The following DYNC2H1 variants were observed in gnomAD, a reference collection of about 807,000 sequenced individuals.
DYNC2H1 encodes cytoplasmic dynein 2 heavy chain 1.
Under a neutral mutation model 570.0 loss-of-function variants are expected in DYNC2H1, and 410 were observed. The ratio of observed to expected loss-of-function variants is 0.72; its 90% CI spans 0.66 to 0.78. DYNC2H1 has a LOEUF of 0.78. Ranked by LOEUF, DYNC2H1 falls within the 30% of genes least tolerant of loss-of-function variation. The pLI, the probability that DYNC2H1 is intolerant of heterozygous loss-of-function variation, is 0.00. For synonymous variants in DYNC2H1, 1,688 were observed against 1,677.6 expected (o/e 1.01, Z -0.15); for missense variants, 4,865 against 5,046.4 (o/e 0.96, Z 1.09).
chr11:103,282,581 CT>C (rs57728832), intron 72 of DYNC2H1, among the ~76,000 whole-genome samples: 28,539 of 151,650 alleles, frequency 0.19, 3,589 homozygotes, highest in African/African-American at 0.36. Flanking sequence ...CATTTTAGAA[CT>C]TTTTAATAAC....
chr11:103,223,794 C>G (rs1863693341), intron 59 of DYNC2H1, among the ~76,000 whole-genome samples: 1 of 149,450 alleles, frequency 6.7e-6, no homozygotes, highest in South Asian at 2.1e-4. Context: ...TGTCGCCAGG[C>G]TGGAGTGCAG....
rs1479954794 is a variant in DYNC2H1 at position 103,181,574 on chromosome 11, TAC to T, written c.6348-173_6348-172del. 1.3e-5 allele frequency among the ~76,000 whole-genome samples: 2 copies of T among 151,614 alleles called. No homozygotes were observed. The highest frequency in any genetic ancestry group is 2.1e-4 in the South Asian group (1 of 4,826). On this transcript the variant is annotated intron_variant, in intron 39 of 88. Transcript: ENST00000375735. This position sits in a 1 kb window ranked among gnomAD's most constrained non-coding sequence, Gnocchi z 5.0. Reference sequence around the variant, plus strand: ...TGTTTGTATATATTATGTGTATGTATACACACACACAGATGTAATTGTATTAT... The same window carrying T: ...TGTTTGTATATATTATGTGTATGTATACACACACAGATGTAATTGTATTAT...
At chr11:103,134,300 G>T (rs765200071) in intron 14 of DYNC2H1, 21 bp from the exon 15 acceptor site, 6 of 1,607,720 alleles carry the variant, frequency 3.7e-6, no homozygotes, top group Middle Eastern at 1.7e-4. Context: ...TTTGAGACTA[G>T]CATGCTCTAA....
rs1254026973 is a variant in DYNC2H1, at chr11:103,264,681, G to T, written c.10695+4704G>T. On this transcript the variant is annotated intron_variant, in intron 70 of 88. Coordinates refer to ENST00000375735, the MANE Select transcript of DYNC2H1 (RefSeq NM_001377.3). This position sits in a 1 kb window ranked among gnomAD's most constrained non-coding sequence, Gnocchi z 4.8. ...AAACTTCATAAACTAGGTATTGATG[G>T]AACGTATCTCAAAATAATAAGAGCT... 1.3e-5 allele frequency among the ~76,000 whole-genome samples: 2 copies of T among 152,130 alleles called. No individual in the cohort carries two copies. The highest frequency in any genetic ancestry group is 2.9e-5 in the Non-Finnish European group (2 of 68,034).
Position 103,245,572 on chromosome 11 carries a change from C to G in DYNC2H1, c.10042+198C>G, listed in dbSNP as rs1423342863. ...AGGAAAGCTCAGTAGAGACCTAGTA[C>G]CCATAGTTTACTGGGGGTTGATTAC... On this transcript the variant is annotated intron_variant, in intron 65 of 88. Coordinates refer to ENST00000375735, the MANE Select transcript of DYNC2H1 (RefSeq NM_001377.3). This position sits in a 1 kb window ranked among gnomAD's most constrained non-coding sequence, Gnocchi z 4.5. Among the ~76,000 whole-genome samples, 1 of 152,044 alleles carries G rather than the reference C, an allele frequency of 6.6e-6. No individual in the cohort carries two copies. Among genetic ancestry groups the G allele is most frequent in the Non-Finnish European group, 1.5e-5 (1 of 67,978 alleles).
intron 55 of DYNC2H1, among the ~76,000 whole-genome samples, chr11:103,217,537 G>A (rs755299316): frequency 3.9e-5 from 6 of 152,100 alleles, no homozygotes; most frequent in Non-Finnish European, 7.4e-5. Flanking sequence ...CAGGTAGAGA[G>A]AGAAAAAGCC....
In DYNC2H1 at chr11:103,134,387, T is replaced by C; in HGVS notation, c.2173T>C (p.Leu725=). The part of the protein sequence containing the change: ...QQRWKDGLQE[L]RTGLATVEAQ... ...GCGCTGGAAAGATGGATTACAAGAA[T>C]TGAGAACTGGCTTAGCAACTGTAGA... The change falls in exon 15 of 89, where the codon TTG becomes CTG. Residue 725 remains leucine, a synonymous_variant. Coordinates refer to ENST00000375735, the MANE Select transcript of DYNC2H1 (RefSeq NM_001377.3). The C allele has an allele frequency of 6.2e-7, 1 of 1,611,982 alleles. No homozygotes were observed.
intron 83 of DYNC2H1, among the ~76,000 whole-genome samples, chr11:103,362,486 A>G (rs910059023): frequency 5.3e-5 from 8 of 151,964 alleles, no homozygotes; most frequent in African/African-American, 9.6e-5. Flanking sequence ...TGGTTTGTGT[A>G]TTTGTTTTTA....
chr11:103,111,441 A>G (rs1319378640), intron 1 of DYNC2H1, among the ~76,000 whole-genome samples: 3 of 152,250 alleles, frequency 2.0e-5, no homozygotes, highest in African/African-American at 4.8e-5. Context: ...GACAAAATTT[A>G]CAACCTAAAT....
intron 85 of DYNC2H1, among the ~76,000 whole-genome samples, chr11:103,440,101 G>A (rs897320077): frequency 6.6e-6 from 1 of 152,016 alleles, no homozygotes; most frequent in Non-Finnish European, 1.5e-5. Context: ...ACTCATAGTT[G>A]GATCCCTTGA....
intron 86 of DYNC2H1, among the ~76,000 whole-genome samples, chr11:103,455,532 T>G (rs1255286976): frequency 6.6e-6 from 1 of 152,198 alleles, no homozygotes; most frequent in Non-Finnish European, 1.5e-5. Context: ...ACTTTTATAA[T>G]TTTGATCATT....
intron 50 of DYNC2H1, among the ~76,000 whole-genome samples, chr11:103,202,586 T>C (rs1455687137): frequency 5.9e-5 from 9 of 152,018 alleles, no homozygotes; most frequent in Admixed American, 5.9e-4. Flanking sequence ...ATATACAGAT[T>C]TATGTGTGCA....
At chr11:103,304,844 T>C in intron 77 of DYNC2H1, 124 bp downstream of exon 77, 1 of 1,018,408 alleles carries the variant, frequency 9.8e-7, no homozygotes, top group Non-Finnish European at 1.3e-6. Context: ...TGAGAAATTT[T>C]AAATTTAAAT....
chr11:103,283,789 C>T (rs1866238708), intron 73 of DYNC2H1, among the ~76,000 whole-genome samples: 1 of 152,044 alleles, frequency 6.6e-6, no homozygotes, highest in Admixed American at 6.6e-5. Flanking sequence ...GGGCTTTTCA[C>T]CACTACTCTT....
chr11:103,187,965 G>A (rs914714592), intron 43 of DYNC2H1, among the ~76,000 whole-genome samples: 2 of 151,854 alleles, frequency 1.3e-5, no homozygotes, highest in African/African-American at 4.8e-5. Flanking sequence ...GTTTTTTTCT[G>A]GCTGCTTTAA....
In DYNC2H1 at chr11:103,339,081, TAGATA is replaced by T. The variant is rs1591599903; in HGVS notation, c.12039+15092_12039+15096del. Among the ~76,000 whole-genome samples, 3 of 152,266 alleles carry T rather than the reference TAGATA, an allele frequency of 2.0e-5. No individual in the cohort carries two copies. In the East Asian group the frequency reaches 5.8e-4, roughly 29 times the overall value. On this transcript the variant is annotated intron_variant, in intron 82 of 88. Transcript: ENST00000375735. ...GTATGCTGTGACCCCTACAGACCCT[TAGATA>T]TATAGCCTTGGTGGAGTTGGGCAAG...
chr11:103,373,561 T>A (rs1941266249), intron 83 of DYNC2H1, among the ~76,000 whole-genome samples: 1 of 152,244 alleles, frequency 6.6e-6, no homozygotes, highest in South Asian at 2.1e-4. Context: ...TACAAGTTAC[T>A]TGATATGATC....
intron 22 of DYNC2H1, 25 bp from the exon 23 acceptor site, chr11:103,154,426 A>T (rs1441474915): frequency 6.7e-7 from 1 of 1,500,738 alleles, no homozygotes; most frequent in South Asian, 1.4e-5. Context: ...TTTAAAATTT[A>T]ATATTTCAAT....
intron 70 of DYNC2H1, among the ~76,000 whole-genome samples, chr11:103,263,425 A>C (rs1865391690): frequency 1.3e-5 from 2 of 152,178 alleles, no homozygotes; most frequent in African/African-American, 4.8e-5. Context: ...TCAGCACCAC[A>C]TCACACTTAT....
Sources: allele counts gnomAD v4.1 joint callset (sites outside exome capture counted in the v4.1 genomes callset), GRCh38; gene constraint gnomAD v4.1.1; non-coding constraint Gnocchi (gnomAD v3.1); transcripts MANE v1.5; gene names NCBI Gene and HGNC (gene_info 2026-07-23, HGNC 2026-07-21).